SLC15A2: variants seen among roughly 807,000 people sequenced by gnomAD.
The protein encoded by SLC15A2 is solute carrier family 15 member 2.
SLC15A2 carries 77 observed loss-of-function variants against 95.5 expected under a neutral mutation model. The observed-to-expected ratio is 0.81, with a 90% CI of 0.67 to 0.97. SLC15A2 has a LOEUF of 0.97. Among genes scored for constraint, SLC15A2 ranks in the 50% least tolerant of loss-of-function variants. The pLI is 0.00. For synonymous variants in SLC15A2, 306 were observed against 306.9 expected, an observed-to-expected ratio of 1.00 and a Z score of 0.03; for missense variants, 893 against 874.4, an observed-to-expected ratio of 1.02 and a Z score of -0.27.
chr3:121,922,972 C>G, intron 9 of SLC15A2, 68 bp from the exon 10 acceptor site: 1 of 1,570,326 alleles, frequency 6.4e-7, no homozygotes, highest in African/African-American at 1.4e-5. Flanking sequence ...TTGGACACTT[C>G]TACTTTAAGC....
intron 18 of SLC15A2, 79 bp from the exon 19 acceptor site, chr3:121,931,560 T>G: frequency 3.7e-4 from 301 of 818,846 alleles, no homozygotes; most frequent in Non-Finnish European, 5.1e-4. Flanking sequence ...AGTAGAGAGA[T>G]GAGATCACTT....
chr3:121,897,954 G>C (rs189067467), intron 3 of SLC15A2, among the ~76,000 whole-genome samples: 9 of 152,214 alleles, frequency 5.9e-5, no homozygotes, highest in Admixed American at 5.9e-4. Context: ...CTGAGGTGAG[G>C]AGTTTGAGAC....
At position 121,930,975 on chromosome 3, in the gene SLC15A2, T is replaced by C. The variant is rs539636783; in HGVS notation, c.1664+25T>C. 27 of 1,451,006 alleles carry C rather than the reference T, an allele frequency of 1.9e-5. 1 individual carries two copies. In the South Asian group the frequency reaches 3.0e-4, roughly 16 times the overall value. The allele number at this position is 1,451,006 out of a possible 1,614,324, so 89.9% of individuals were successfully genotyped here. A position where few individuals can be genotyped will look rare whatever the true frequency, so the allele number is the denominator to read the frequency against. On this transcript the variant is annotated intron_variant, in intron 18 of 21. Coordinates refer to ENST00000489711, the MANE Select transcript of SLC15A2 (RefSeq NM_021082.4). ...AGTAAGTGCATTGCCCCTGTGGACA[T>C]TTTACTTTTGTCAATAATTGTTTTT...
At chr3:121,934,036 T>C (rs1338070610) in intron 19 of SLC15A2, among the ~76,000 whole-genome samples, 1 of 151,758 alleles carries the variant, frequency 6.6e-6, no homozygotes, top group Non-Finnish European at 1.5e-5. Flanking sequence ...TCCCCATTGC[T>C]TGTTTTTCTC....
rs897743771 is a variant in SLC15A2 at position 121,942,266 on chromosome 3, A to G, written c.*1259A>G. 5.9e-5 allele frequency: 9 copies of G among 152,140 alleles called. No individual in the cohort carries two copies. Among genetic ancestry groups the G allele is most frequent in the African/African-American group, 1.9e-4 (8 of 41,434 alleles). 9.4% of individuals were successfully genotyped at this position (152,140 alleles called of 1,614,324 possible). On this transcript the variant is annotated 3_prime_UTR_variant, in exon 22 of 22. Transcript: ENST00000489711. ...TATGGTCATGAAAAAAAATTGAGAA[A>G]CATTACCTCATACACAATGAATGAA...
At chr3:121,923,361 A>G (rs1231670517) in intron 11 of SLC15A2, 95 bp downstream of exon 11, 2 of 1,252,104 alleles carry the variant, frequency 1.6e-6, no homozygotes, top group Admixed American at 1.8e-5. Context: ...CTGAAAACTA[A>G]CAAGATCTTC....
chr3:121,896,950 G>GT lies in SLC15A2; in HGVS notation c.194-436dup, dbSNP rs1418647638. Among the ~76,000 whole-genome samples the GT allele has an allele frequency of 2.0e-5, 3 of 147,734 alleles. 1 individual carries two copies. The highest frequency in any genetic ancestry group is 7.5e-5 in the African/African-American group (3 of 40,256). On this transcript the variant is annotated intron_variant, in intron 2 of 21. Transcript: ENST00000489711. ...GGGAGGGAAAGCTCTCATTATCTCA[G>GT]TTACATTTTTCATACCTGTTCCTCA...
At chr3:121,934,338 A>G (rs1365693697) in intron 19 of SLC15A2, among the ~76,000 whole-genome samples, 3 of 152,140 alleles carry the variant, frequency 2.0e-5, no homozygotes, top group Non-Finnish European at 2.9e-5. Context: ...CATTGAATCT[A>G]TAAATTACCT....
chr3:121,904,189 T>C (rs1289911385), intron 3 of SLC15A2, among the ~76,000 whole-genome samples: 2 of 152,178 alleles, frequency 1.3e-5, no homozygotes, highest in Non-Finnish European at 1.5e-5. Context: ...GTGATTTTTG[T>C]ACATTGATTT....
At chr3:121,904,640 T>A (rs112660111) in intron 3 of SLC15A2, among the ~76,000 whole-genome samples, 45 of 152,372 alleles carry the variant, frequency 3.0e-4, no homozygotes, top group Non-Finnish European at 6.0e-4. Flanking sequence ...TGTGTTTATA[T>A]GCCGGATTAC....
intron 19 of SLC15A2, among the ~76,000 whole-genome samples, chr3:121,934,695 C>G (rs910019548): frequency 1.3e-5 from 2 of 152,194 alleles, no homozygotes; most frequent in Admixed American, 6.5e-5. Flanking sequence ...GATATACAAT[C>G]ATGTCGTCTG....
rs559953567 is a variant in SLC15A2, at chr3:121,922,712, G to A, written c.781-63G>A. On this transcript the variant is annotated intron_variant, in intron 8 of 21. Coordinates refer to ENST00000489711, the MANE Select transcript of SLC15A2 (RefSeq NM_021082.4). ...TGGTGTTTGAAGGAAGGTATAATAA[G>A]TTGGAAAAGGCAGAGGATGTTTTTC... The A allele has an allele frequency of 2.5e-6, 3 of 1,211,766 alleles. No individual in the cohort carries two copies. In the East Asian group the frequency reaches 7.2e-5, roughly 29 times the overall value. The allele number at this position is 1,211,766 out of a possible 1,614,324, so 75.1% of individuals were successfully genotyped here.
intron 7 of SLC15A2, among the ~76,000 whole-genome samples, chr3:121,917,361 G>A (rs1709916007): frequency 6.6e-6 from 1 of 152,158 alleles, no homozygotes; most frequent in African/African-American, 2.4e-5. Context: ...AGTACAGAGA[G>A]AGCTATGGGA....
intron 7 of SLC15A2, among the ~76,000 whole-genome samples, chr3:121,920,817 G>A (rs983019220): frequency 1.3e-5 from 2 of 152,198 alleles, no homozygotes; most frequent in African/African-American, 4.8e-5. Flanking sequence ...AAAGTGATTT[G>A]TGCATTCTGA....
rs11924085 is a variant in SLC15A2 at position 121,939,999 on chromosome 3, T to C, written c.1909-385T>C. Among the ~76,000 whole-genome samples, 1,419 of 152,124 alleles carry C rather than the reference T, an allele frequency of 9.3e-3. 22 individuals are homozygous for C. The highest frequency in any genetic ancestry group is 0.032 in the African/African-American group (1,314 of 41,478). ...TTTTGTATTTTTAGTAGAGACAGGG[T>C]TTCACCATGTTGGCCAGGCTGATCT... On this transcript the variant is annotated intron_variant, in intron 20 of 21. Transcript: ENST00000489711.
At chr3:121,909,559 A>G (rs893434935) in intron 3 of SLC15A2, among the ~76,000 whole-genome samples, 4 of 152,108 alleles carry the variant, frequency 2.6e-5, no homozygotes, top group Non-Finnish European at 5.9e-5. Context: ...GTTTCCTGCC[A>G]TTAGTTTCCT....
At chr3:121,935,499 G>A (rs1450312237) in intron 19 of SLC15A2, among the ~76,000 whole-genome samples, 3 of 152,154 alleles carry the variant, frequency 2.0e-5, no homozygotes, top group Non-Finnish European at 4.4e-5. Context: ...TTGGGAGGGT[G>A]TATGTGTCCA....
rs1164773485 is a variant in SLC15A2 at position 121,943,336 on chromosome 3, T to C, written c.*2329T>C. The C allele has an allele frequency of 6.6e-6, 1 of 152,152 alleles. No individual in the cohort carries two copies. The highest frequency in any genetic ancestry group is 1.5e-5 in the Non-Finnish European group (1 of 68,006). The allele number at this position is 152,152 out of a possible 1,614,324, so 9.4% of individuals were successfully genotyped here. Reference sequence around the variant, plus strand: ...AGATGTTTAGCTATTTGGGGAGAACTTTCATGGCTCTTCCCTAATCATCAA... The same window carrying C: ...AGATGTTTAGCTATTTGGGGAGAACCTTCATGGCTCTTCCCTAATCATCAA... On this transcript the variant is annotated 3_prime_UTR_variant, in exon 22 of 22. Transcript: ENST00000489711.
chr3:121,907,431 A>G (rs977224792), intron 3 of SLC15A2, among the ~76,000 whole-genome samples: 5 of 152,056 alleles, frequency 3.3e-5, no homozygotes, highest in African/African-American at 1.2e-4. Context: ...GAGAAGAGGC[A>G]CTCTGGTTTT....
Sources: allele counts gnomAD v4.1 joint callset (sites outside exome capture counted in the v4.1 genomes callset), GRCh38; gene constraint gnomAD v4.1.1; transcripts MANE v1.5; gene names NCBI Gene and HGNC (gene_info 2026-07-23, HGNC 2026-07-21).